EPB41L2: variants seen among roughly 807,000 people sequenced by gnomAD.
EPB41L2 encodes erythrocyte membrane protein band 4.1 like 2.
Under a neutral mutation model 113.0 loss-of-function variants are expected in EPB41L2, and 43 were observed. The observed-to-expected ratio is 0.38, with a 90% CI of 0.30 to 0.49. The LOEUF is 0.49. EPB41L2 is among the 20% of genes least tolerant of loss of function. EPB41L2 has a pLI of 0.95. For missense variants in EPB41L2, 1,147 were observed against 1,223.4 expected, an observed-to-expected ratio of 0.94 and a Z score of 0.93; for synonymous variants, 442 against 436.7, an observed-to-expected ratio of 1.01 and a Z score of -0.15.
In EPB41L2 at chr6:131,042,341, T is replaced by C. The variant is rs189569926; in HGVS notation, c.-15+20814A>G. Among the ~76,000 whole-genome samples, 22 of 152,154 alleles carry C rather than the reference T, an allele frequency of 1.4e-4. No homozygotes were observed. The East Asian group carries it at 3.9e-3, about 27-fold the overall frequency. On this transcript the variant is annotated intron_variant, in intron 1 of 19. Coordinates refer to ENST00000337057, the MANE Select transcript of EPB41L2 (RefSeq NM_001431.4). ...AGCATTAACAAAAGAAAGAAAAAGATGTAAAACCTACACTACAAGCCTGAT... is the reference window on the plus strand; with the variant it reads ...AGCATTAACAAAAGAAAGAAAAAGACGTAAAACCTACACTACAAGCCTGAT...
At chr6:130,973,553 A>T (rs1288823238) in intron 1 of EPB41L2, among the ~76,000 whole-genome samples, 1 of 152,218 alleles carries the variant, frequency 6.6e-6, no homozygotes, top group Non-Finnish European at 1.5e-5. Flanking sequence ...GAGGCCCCCA[A>T]GTCACTAAGC....
At chr6:131,008,251 G>A (rs534620234) in intron 1 of EPB41L2, among the ~76,000 whole-genome samples, 137 of 152,364 alleles carry the variant, frequency 9.0e-4, no homozygotes, top group African/African-American at 3.3e-3. Flanking sequence ...GCTAAAAGGG[G>A]CCAAGGTACA....
At chr6:131,013,039 GC>G (rs1232567040) in intron 1 of EPB41L2, among the ~76,000 whole-genome samples, 2 of 152,106 alleles carry the variant, frequency 1.3e-5, no homozygotes, top group African/African-American at 4.8e-5. Context: ...CCCTCTCTAA[GC>G]TATTTCCCCT....
At chr6:131,045,817 G>A (rs932739353) in intron 1 of EPB41L2, among the ~76,000 whole-genome samples, 1 of 152,224 alleles carries the variant, frequency 6.6e-6, no homozygotes, top group Middle Eastern at 3.4e-3. Context: ...CATAGGAGAT[G>A]ACCAAGGTTA....
chr6:131,051,128 A>T (rs1295820827), intron 1 of EPB41L2, among the ~76,000 whole-genome samples: 1 of 152,128 alleles, frequency 6.6e-6, no homozygotes, highest in African/African-American at 2.4e-5. Context: ...TTTTCCTAGG[A>T]AGTAGCTTCT....
At chr6:130,870,742 A>G (rs1257617887) in intron 14 of EPB41L2, among the ~76,000 whole-genome samples, 1 of 152,150 alleles carries the variant, frequency 6.6e-6, no homozygotes, top group Non-Finnish European at 1.5e-5. Context: ...ATCAGACTAT[A>G]AAGTCTAGCC....
At chr6:130,903,592 T>C (rs1796890611) in intron 6 of EPB41L2, among the ~76,000 whole-genome samples, 1 of 152,080 alleles carries the variant, frequency 6.6e-6, no homozygotes, top group African/African-American at 2.4e-5. Context: ...GCCCCTCTAG[T>C]TTTCTAAAAG....
intron 19 of EPB41L2, among the ~76,000 whole-genome samples, chr6:130,844,261 G>A (rs1233753818): frequency 6.6e-6 from 1 of 152,104 alleles, no homozygotes. Context: ...TCTGAAAACG[G>A]GAATGAAATA....
intron 1 of EPB41L2, among the ~76,000 whole-genome samples, chr6:131,047,921 A>T (rs1295797604): frequency 6.6e-6 from 1 of 152,138 alleles, no homozygotes; most frequent in African/African-American, 2.4e-5. Flanking sequence ...CAGGTGGATC[A>T]CGAGGTCAGG....
intron 1 of EPB41L2, among the ~76,000 whole-genome samples, chr6:131,044,681 A>T (rs922856120): frequency 6.6e-6 from 1 of 151,978 alleles, no homozygotes; most frequent in Non-Finnish European, 1.5e-5. Flanking sequence ...TTGGGAAAGC[A>T]CTCCATTCCA....
chr6:130,987,247 G>A (rs2128687916), intron 1 of EPB41L2, among the ~76,000 whole-genome samples: 1 of 152,306 alleles, frequency 6.6e-6, no homozygotes. Context: ...ATACTTATGA[G>A]CAGAACTGCT....
intron 1 of EPB41L2, chr6:130,978,694 T>C (rs935948361): frequency 2.0e-5 from 3 of 152,248 alleles, no homozygotes; most frequent in African/African-American, 7.2e-5. Flanking sequence ...TGCTTTGTGC[T>C]TGCTGATAGC....
intron 1 of EPB41L2, among the ~76,000 whole-genome samples, chr6:131,011,475 T>C (rs1388883509): frequency 1.3e-5 from 2 of 152,188 alleles, no homozygotes; most frequent in African/African-American, 2.4e-5. Context: ...TTCTTCAAGA[T>C]CTTCTGAAAA....
chr6:130,928,429 C>G (rs762267253), intron 3 of EPB41L2, among the ~76,000 whole-genome samples: 2 of 152,262 alleles, frequency 1.3e-5, no homozygotes, highest in Non-Finnish European at 2.9e-5. Flanking sequence ...GCGGTGAGTA[C>G]TAAAAGAGTT....
In EPB41L2 at chr6:130,958,117, A is replaced by C. The variant is rs962146690; in HGVS notation, c.-14-1618T>G. 2.6e-5 allele frequency among the ~76,000 whole-genome samples: 4 copies of C among 152,194 alleles called. No homozygotes were observed. The South Asian group carries it at 6.2e-4, about 24-fold the overall frequency. On this transcript the variant is annotated intron_variant, in intron 1 of 19. Coordinates refer to ENST00000337057, the MANE Select transcript of EPB41L2 (RefSeq NM_001431.4). The stretch of plus-strand genomic sequence containing the variant: ...TTGAGGAGCTAAGGGAGTGAGGGCT[A>C]CAAATAAGCATACATTAAGTCAATA...
At chr6:130,843,336 G>A (rs1278444438) in intron 19 of EPB41L2, among the ~76,000 whole-genome samples, 2 of 152,046 alleles carry the variant, frequency 1.3e-5, no homozygotes, top group Non-Finnish European at 2.9e-5. Flanking sequence ...CTAGAATTTG[G>A]GACTAAATGA....
At chr6:130,951,250 C>A (rs1814836453) in intron 3 of EPB41L2, among the ~76,000 whole-genome samples, 1 of 97,834 alleles carries the variant, frequency 1.0e-5, no homozygotes, top group Non-Finnish European at 1.8e-5. Flanking sequence ...GAGCAACTGT[C>A]TCCAAAAAAA....
rs138467790 is a variant in EPB41L2 at position 130,955,297 on chromosome 6, C to T, written c.513G>A (p.Lys171=). Residue 171 remains lysine, a synonymous_variant, in exon 3 of 20, where the codon AAG becomes AAA. Transcript: ENST00000337057. Reference sequence around the variant, plus strand: ...TTTCTTTTACCTTCTCTTCTCTCTCCTTACTTACTAATTCAGTAGGCTGTT... The same window carrying T: ...TTTCTTTTACCTTCTCTTCTCTCTCTTTACTTACTAATTCAGTAGGCTGTT... ...VEMQPTELVS[K]EREEKVKETQ... 4.7e-5 allele frequency: 76 copies of T among 1,611,468 alleles called. No individual in the cohort carries two copies. The highest frequency in any genetic ancestry group is 6.2e-5 in the Non-Finnish European group (73 of 1,179,790).
chr6:130,877,333 T>G (rs528209917), intron 14 of EPB41L2, among the ~76,000 whole-genome samples: 2 of 152,322 alleles, frequency 1.3e-5, no homozygotes, highest in East Asian at 3.9e-4. Flanking sequence ...AAATATAGTA[T>G]GATCACTGTC....
Sources: gnomAD v4.1 joint callset for allele counts (sites outside exome capture counted in the v4.1 genomes callset) on GRCh38, gnomAD v4.1.1 for gene constraint, MANE v1.5 for transcripts, NCBI Gene and HGNC (gene_info 2026-07-23, HGNC 2026-07-21) for gene names.